Variants in DENND1A observed in about 807,000 individuals in gnomAD.
The protein encoded by DENND1A is DENN domain-containing protein 1A.
Under a neutral mutation model 113.7 loss-of-function variants are expected in DENND1A, and 51 were observed. The ratio of observed to expected loss-of-function variants is 0.45; its 90% CI spans 0.36 to 0.57. The LOEUF (loss-of-function observed/expected upper bound fraction) is 0.57. Ranked by LOEUF, DENND1A falls within the 20% of genes least tolerant of loss-of-function variation. The pLI is 0.00. For synonymous variants in DENND1A, 565 were observed against 570.8 expected (o/e 0.99, Z 0.14); for missense variants, 1,258 against 1,395.9 (o/e 0.90, Z 1.57).
chr9:123,572,213 A>C (rs2058395392), intron 12 of DENND1A, among the ~76,000 whole-genome samples: 1 of 152,198 alleles, frequency 6.6e-6, no homozygotes, highest in South Asian at 2.1e-4. Context: ...ATACAAAATA[A>C]ATGGATTCTG....
At chr9:123,776,543 T>C (rs1405154745) in intron 3 of DENND1A, among the ~76,000 whole-genome samples, 1 of 152,228 alleles carries the variant, frequency 6.6e-6, no homozygotes, top group Non-Finnish European at 1.5e-5. Context: ...TGTGTACTTC[T>C]GATAACATTT....
At chr9:123,590,820 T>A (rs189029381) in intron 11 of DENND1A, among the ~76,000 whole-genome samples, 1 of 152,270 alleles carries the variant, frequency 6.6e-6, no homozygotes, top group East Asian at 1.9e-4. Flanking sequence ...ATGAAGTTGA[T>A]AAACATATTA....
At chr9:123,473,779 G>A (rs549080059) in intron 13 of DENND1A, among the ~76,000 whole-genome samples, 33 of 152,124 alleles carry the variant, frequency 2.2e-4, no homozygotes, top group African/African-American at 8.0e-4. Context: ...TCCCATCCCA[G>A]TCTCTTTCTC....
In DENND1A at chr9:123,411,913, C is replaced by A. The variant is rs1253151693; in HGVS notation, c.1489-84G>T. On this transcript the variant is annotated intron_variant, in intron 19 of 23. Transcript: ENST00000394215. ...CACACACGGCCTGGAGGAAGGCACC[C>A]AGTCACCTAAGCCAGAGCCAGAGGG... 5 of 932,080 alleles carry A rather than the reference C, an allele frequency of 5.4e-6. No homozygotes were observed. The Middle Eastern group carries it at 2.2e-3, about 403-fold the overall frequency. 57.7% of individuals were successfully genotyped at this position (932,080 alleles called of 1,614,324 possible). A position where few individuals can be genotyped will look rare whatever the true frequency, so the allele number is the denominator to read the frequency against.
At chr9:123,635,938 A>C (rs917655355) in intron 9 of DENND1A, among the ~76,000 whole-genome samples, 3 of 152,234 alleles carry the variant, frequency 2.0e-5, no homozygotes, top group African/African-American at 7.2e-5. Context: ...ATAAGAGACT[A>C]GGCTACAAGA....
intron 20 of DENND1A, among the ~76,000 whole-genome samples, chr9:123,409,669 C>T (rs891921282): frequency 3.3e-5 from 5 of 151,968 alleles, no homozygotes; most frequent in African/African-American, 7.3e-5. Flanking sequence ...CTTCACTGAG[C>T]GACTGTGAGG....
chr9:123,433,540 T>C (rs1378239299), intron 19 of DENND1A, among the ~76,000 whole-genome samples: 1 of 152,210 alleles, frequency 6.6e-6, no homozygotes, highest in Non-Finnish European at 1.5e-5. Context: ...CTCCTAGGAA[T>C]AAAGATAAAC....
intron 18 of DENND1A, among the ~76,000 whole-genome samples, chr9:123,441,205 G>C (rs1047064708): frequency 6.6e-6 from 1 of 152,150 alleles, no homozygotes; most frequent in Non-Finnish European, 1.5e-5. Context: ...CCAGTTTCAC[G>C]ATACTTGTGA....
At chr9:123,813,659 T>C (rs1482020427) in intron 2 of DENND1A, among the ~76,000 whole-genome samples, 4 of 152,134 alleles carry the variant, frequency 2.6e-5, no homozygotes, top group Admixed American at 2.0e-4. Context: ...GCGTTCACAA[T>C]TATCCAAAGA....
chr9:123,841,535 G>A (rs574405655), intron 2 of DENND1A, among the ~76,000 whole-genome samples: 54 of 152,240 alleles, frequency 3.5e-4, no homozygotes, highest in Middle Eastern at 6.8e-3. Flanking sequence ...AGAGTTTAAG[G>A]TCCAGTACAG....
chr9:123,826,161 A>G (rs960966695), intron 2 of DENND1A, among the ~76,000 whole-genome samples: 1 of 152,194 alleles, frequency 6.6e-6, no homozygotes, highest in Non-Finnish European at 1.5e-5. Flanking sequence ...TAACTAATAC[A>G]AAAGATCCTT....
Position 123,440,342 on chromosome 9 carries a change from G to A in DENND1A, c.1488+18C>T. On this transcript the variant is annotated intron_variant, in intron 19 of 23. Transcript: ENST00000394215. Reference sequence around the variant, plus strand: ...AAAAAAAAACAAAACAGACAGGTAGGAGGGCCAGGGTACACACCTGTCCAA... The same window carrying A: ...AAAAAAAAACAAAACAGACAGGTAGAAGGGCCAGGGTACACACCTGTCCAA... 6.3e-7 allele frequency: 1 copy of A among 1,582,624 alleles called. No individual in the cohort carries two copies. The highest frequency in any genetic ancestry group is 8.6e-7 in the Non-Finnish European group (1 of 1,169,524).
At position 123,380,277 on chromosome 9, in the gene DENND1A, A is replaced by AAATC. The variant is rs1195114628; in HGVS notation, c.*1151_*1154dup. 1 of 152,528 alleles carries AAATC rather than the reference A, an allele frequency of 6.6e-6. No homozygotes were observed. Among genetic ancestry groups the AAATC allele is most frequent in the Non-Finnish European group, 1.5e-5 (1 of 68,050 alleles). The allele number at this position is 152,528 out of a possible 1,614,324, so 9.4% of individuals were successfully genotyped here. On this transcript the variant is annotated 3_prime_UTR_variant, in exon 24 of 24. Coordinates refer to ENST00000394215, the MANE Select transcript of DENND1A (RefSeq NM_001352964.2). The stretch of plus-strand genomic sequence containing the variant: ...AAATGAATCCATTTCAAGATTCATC[A>AAATC]AATCAATAAGGTAAAAAGGAAAAAG...
chr9:123,690,416 C>A (rs1366908809), intron 5 of DENND1A, among the ~76,000 whole-genome samples: 2 of 151,514 alleles, frequency 1.3e-5, no homozygotes, highest in African/African-American at 4.9e-5. Context: ...TGAAAGCAAC[C>A]TAAATGTATA....
chr9:123,622,319 G>A (rs1004525497), intron 10 of DENND1A, among the ~76,000 whole-genome samples: 1 of 152,198 alleles, frequency 6.6e-6, no homozygotes, highest in Non-Finnish European at 1.5e-5. Context: ...GTTGAGAATT[G>A]ATTTGTGGTC....
chr9:123,808,701 C>T (rs1836023814), intron 2 of DENND1A, among the ~76,000 whole-genome samples: 1 of 152,130 alleles, frequency 6.6e-6, no homozygotes, highest in South Asian at 2.1e-4. Flanking sequence ...TTGAGAATTA[C>T]TGTTATACAG....
At chr9:123,662,388 C>T (rs567021700) in intron 8 of DENND1A, among the ~76,000 whole-genome samples, 2 of 152,240 alleles carry the variant, frequency 1.3e-5, no homozygotes, top group South Asian at 4.2e-4. Context: ...ATGGTGAAAC[C>T]CCATCTGTAC....
At chr9:123,436,005 C>T (rs751901599) in intron 19 of DENND1A, among the ~76,000 whole-genome samples, 40 of 152,200 alleles carry the variant, frequency 2.6e-4, no homozygotes, top group Non-Finnish European at 5.6e-4. Context: ...CAGGGGTCCT[C>T]GGGAGGGAAG....
At chr9:123,917,887 G>A (rs773843646) in intron 1 of DENND1A, among the ~76,000 whole-genome samples, 12 of 151,916 alleles carry the variant, frequency 7.9e-5, no homozygotes, top group Non-Finnish European at 1.5e-4. Flanking sequence ...GAGGCAGGCA[G>A]ATCACAAGGT....
Sources: gnomAD v4.1 joint callset for allele counts (sites outside exome capture counted in the v4.1 genomes callset) on GRCh38, gnomAD v4.1.1 for gene constraint, MANE v1.5 for transcripts, NCBI Gene and HGNC (gene_info 2026-07-23, HGNC 2026-07-21) for gene names.